Variants in DHX15 observed in about 807,000 individuals in gnomAD.
DHX15 encodes the protein DEAH-box helicase 15.
In DHX15, 11 loss-of-function variants were observed where a neutral mutation model predicts 94.4. That is an observed-to-expected ratio of 0.12 (90% CI 0.07 to 0.19). The LOEUF (loss-of-function observed/expected upper bound fraction) is 0.19. Among genes scored for constraint, DHX15 ranks in the 10% least tolerant of loss-of-function variants. DHX15 has a pLI of 1.00. For synonymous variants in DHX15, 338 were observed against 329.9 expected (o/e 1.02, Z -0.27); for missense variants, 304 against 988.5 (o/e 0.31, Z 9.29).
At chr4:24,544,846 C>T (rs904166756) in intron 6 of DHX15, among the ~76,000 whole-genome samples, 1 of 152,148 alleles carries the variant, frequency 6.6e-6, no homozygotes, top group African/African-American at 2.4e-5. Flanking sequence ...GGCATGGTGG[C>T]TCACATCCGT....
At chr4:24,583,102 C>T (rs2109014920) in intron 1 of DHX15, among the ~76,000 whole-genome samples, 1 of 152,288 alleles carries the variant, frequency 6.6e-6, no homozygotes, top group East Asian at 1.9e-4. Flanking sequence ...AACAGCTATA[C>T]AGGTGACTTG....
chr4:24,553,619 A>T (rs1046131524), intron 5 of DHX15, among the ~76,000 whole-genome samples: 2 of 150,670 alleles, frequency 1.3e-5, no homozygotes, highest in African/African-American at 4.9e-5. Context: ...ACTAAAAATT[A>T]AAAAAAAATT....
intron 3 of DHX15, among the ~76,000 whole-genome samples, chr4:24,557,728 T>G (rs1308051136): frequency 2.6e-5 from 4 of 152,160 alleles, no homozygotes; most frequent in Non-Finnish European, 5.9e-5. Flanking sequence ...CACTGCCAAT[T>G]AAATTATGAC....
chr4:24,539,047 T>TAAGG (rs1721254970), intron 10 of DHX15: 1 of 152,122 alleles, frequency 6.6e-6, no homozygotes, highest in Admixed American at 6.5e-5. Flanking sequence ...AGCTACAATT[T>TAAGG]AATTAAAGTG....
intron 5 of DHX15, among the ~76,000 whole-genome samples, chr4:24,550,396 C>T (rs767358234): frequency 1.3e-5 from 2 of 152,140 alleles, no homozygotes; most frequent in African/African-American, 2.4e-5. Flanking sequence ...TTAACTCTGA[C>T]TCTTGTGTAG....
chr4:24,550,746 C>A (rs191435768), intron 5 of DHX15, among the ~76,000 whole-genome samples: 54 of 152,100 alleles, frequency 3.6e-4, no homozygotes, highest in Admixed American at 3.3e-3. Context: ...ATTTTTAAGT[C>A]GAAGGAGAAC....
rs1224233760 is a variant in DHX15 at position 24,537,852 on chromosome 4, G to C, written c.1787-679C>G. On this transcript the variant is annotated intron_variant, in intron 10 of 13. Coordinates refer to ENST00000336812, the MANE Select transcript of DHX15 (RefSeq NM_001358.3). This position sits in a 1 kb window ranked among gnomAD's most constrained non-coding sequence, Gnocchi z 4.7. ...CTGGGATATTCAGCCTAGTGTTTCA[G>C]CATTTTAACAAAAGGATTAGAAAAT... 2 of 152,018 alleles carry C rather than the reference G, an allele frequency of 1.3e-5. No homozygotes were observed. The highest frequency in any genetic ancestry group is 4.8e-5 in the African/African-American group (2 of 41,378). 9.4% of individuals were successfully genotyped at this position (152,018 alleles called of 1,614,324 possible).
At chr4:24,549,133 G>A in intron 5 of DHX15, 111 bp from the exon 6 acceptor site, 1 of 826,364 alleles carries the variant, frequency 1.2e-6, no homozygotes, top group Non-Finnish European at 1.7e-6. Context: ...TTCACTTCAT[G>A]GATACCCTGT....
At position 24,540,895 on chromosome 4, in the gene DHX15, T is replaced by A; in HGVS notation, c.1539A>T (p.Gln513His). 6.2e-7 allele frequency: 1 copy of A among 1,610,758 alleles called. No individual in the cohort carries two copies. Among genetic ancestry groups the A allele is most frequent in the Non-Finnish European group, 8.5e-7 (1 of 1,177,856 alleles). The change falls in exon 9 of 14, where the codon CAA becomes CAT. Residue 513 changes from glutamine (Q) to histidine (H), a missense_variant. By Grantham distance (24) the Gln-to-His change is conservative. Transcript: ENST00000336812. ...LRSNLGSVVL[Q>H]LKKLGIDDLV... is the part of the protein sequence containing the mutation. ...AGTCATCAATACCAAGTTTCTTCAATTGTAACACAACTGATCCTAAATTAG... is the reference window on the plus strand; with the variant it reads ...AGTCATCAATACCAAGTTTCTTCAAATGTAACACAACTGATCCTAAATTAG...
chr4:24,576,747 CAAAG>C lies in DHX15; in HGVS notation c.72-73_72-70del. 4 of 1,556,038 alleles carry C rather than the reference CAAAG, an allele frequency of 2.6e-6. No homozygotes were observed. In the South Asian group the frequency reaches 3.7e-5, roughly 14 times the overall value. On this transcript the variant is annotated intron_variant, in intron 1 of 13. Coordinates refer to ENST00000336812, the MANE Select transcript of DHX15 (RefSeq NM_001358.3). ...AATGTTCACGGTAGCGTTATAATCACAAAGAGAGTAAATGTCCAACGTTCAAATG... is the reference window on the plus strand; with the variant it reads ...AATGTTCACGGTAGCGTTATAATCACAGAGTAAATGTCCAACGTTCAAATG...
At chr4:24,528,731 G>T (rs1393221047) in intron 13 of DHX15, among the ~76,000 whole-genome samples, 1 of 151,756 alleles carries the variant, frequency 6.6e-6, no homozygotes, top group East Asian at 1.9e-4. Flanking sequence ...TGAAGGTGAG[G>T]GTTATTTTGC....
intron 1 of DHX15, among the ~76,000 whole-genome samples, chr4:24,578,857 C>CTCCACTTCATAAATATTTGTCA (rs1722342428): frequency 6.6e-6 from 1 of 152,132 alleles, no homozygotes; most frequent in Non-Finnish European, 1.5e-5. Flanking sequence ...CTACCATGCC[C>CTCCACTTCATAAATATTTGTCA]AGCCTAGTTT....
chr4:24,548,008 G>GTCT (rs1199364448), intron 6 of DHX15, among the ~76,000 whole-genome samples: 3 of 148,028 alleles, frequency 2.0e-5, no homozygotes, highest in African/African-American at 7.5e-5. Flanking sequence ...AATCAAAGAT[G>GTCT]TCTTCCCAGC....
chr4:24,559,392 A>AG (rs1301234479), intron 3 of DHX15, among the ~76,000 whole-genome samples: 1 of 151,482 alleles, frequency 6.6e-6, no homozygotes, highest in African/African-American at 2.4e-5. Context: ...AAAAAAAAAA[A>AG]AAAAGAAACA....
intron 6 of DHX15, among the ~76,000 whole-genome samples, chr4:24,547,949 CTA>C (rs138625312): frequency 0.024 from 2,169 of 91,290 alleles, 79 homozygotes; most frequent in African/African-American, 0.03. Context: ...ATATCTATAT[CTA>C]TATCTATATC....
intron 13 of DHX15, among the ~76,000 whole-genome samples, chr4:24,528,813 T>G (rs1272344713): frequency 6.6e-6 from 1 of 152,148 alleles, no homozygotes; most frequent in Non-Finnish European, 1.5e-5. Flanking sequence ...AGAGCTATCA[T>G]TTTTATGCCT....
chr4:24,570,622 A>T, intron 3 of DHX15, 32 bp downstream of exon 3: 1 of 1,598,924 alleles, frequency 6.3e-7, no homozygotes, highest in East Asian at 2.2e-5. Flanking sequence ...CAAGCAGAGG[A>T]CTAAAAGCGT....
chr4:24,529,496 A>G, intron 13 of DHX15, 105 bp downstream of exon 13: 1 of 961,188 alleles, frequency 1.0e-6, no homozygotes, highest in East Asian at 2.4e-5. Context: ...ACACTGAAAT[A>G]TAAATTCTCA....
In DHX15 at chr4:24,527,772, A is replaced by C. The variant is rs762170925; in HGVS notation, c.*152T>G. ...GGGAGGCATAAATGTTTAATTTATG[A>C]AATCAGAATGGAATATTTACTGTAA... On this transcript the variant is annotated 3_prime_UTR_variant, in exon 14 of 14. Transcript: ENST00000336812. The C allele has an allele frequency of 3.6e-6, 2 of 553,462 alleles. No homozygotes were observed. Among genetic ancestry groups the C allele is most frequent in the Non-Finnish European group, 3.2e-6 (1 of 311,768 alleles). The allele number at this position is 553,462 out of a possible 1,614,324, so 34.3% of individuals were successfully genotyped here. A position where few individuals can be genotyped will look rare whatever the true frequency, so the allele number is the denominator to read the frequency against.
Sources: allele counts gnomAD v4.1 joint callset (sites outside exome capture counted in the v4.1 genomes callset), GRCh38; gene constraint gnomAD v4.1.1; non-coding constraint Gnocchi (gnomAD v3.1); transcripts MANE v1.5; gene names NCBI Gene and HGNC (gene_info 2026-07-23, HGNC 2026-07-21).